Variants in THSD4 observed in about 807,000 individuals in gnomAD.
The protein encoded by THSD4 is thrombospondin type 1 domain containing 4.
Under a neutral mutation model 119.0 loss-of-function variants are expected in THSD4, and 69 were observed. The ratio of observed to expected loss-of-function variants is 0.58; its 90% CI spans 0.48 to 0.71. THSD4 has a LOEUF of 0.71. Ranked by LOEUF, THSD4 falls within the 30% of genes least tolerant of loss-of-function variation. THSD4 has a pLI of 0.00. For missense variants in THSD4, 1,393 were observed against 1,391.1 expected (o/e 1.00, Z -0.02); for synonymous variants, 524 against 540.4 (o/e 0.97, Z 0.42).
intron 7 of THSD4, among the ~76,000 whole-genome samples, chr15:71,565,442 G>A (rs2049215883): frequency 6.6e-6 from 1 of 152,154 alleles, no homozygotes; most frequent in South Asian, 2.1e-4. Flanking sequence ...ATCAGATTAG[G>A]CTGCTCACAC....
intron 7 of THSD4, among the ~76,000 whole-genome samples, chr15:71,449,115 A>G (rs911479256): frequency 4.6e-5 from 7 of 152,192 alleles, no homozygotes; most frequent in African/African-American, 2.4e-5. Context: ...GGTCAAGGGA[A>G]ACCTATTCTC....
intron 7 of THSD4, among the ~76,000 whole-genome samples, chr15:71,595,513 C>T (rs2049891682): frequency 6.6e-6 from 1 of 152,156 alleles, no homozygotes; most frequent in Non-Finnish European, 1.5e-5. Context: ...CCTACCCAGC[C>T]ATGTGGAACT....
chr15:71,235,818 T>G (rs975519457), intron 4 of THSD4, among the ~76,000 whole-genome samples: 4 of 152,198 alleles, frequency 2.6e-5, no homozygotes, highest in African/African-American at 9.6e-5. Context: ...CTGGAACTCC[T>G]GGCCTTAAGT....
At chr15:71,364,272 T>G (rs1007085204) in intron 6 of THSD4, among the ~76,000 whole-genome samples, 1 of 152,208 alleles carries the variant, frequency 6.6e-6, no homozygotes, top group Non-Finnish European at 1.5e-5. Context: ...CTTGCAACAC[T>G]GGGCAAGTCT....
At chr15:71,342,556 A>C (rs1324621833) in intron 6 of THSD4, 1 of 152,610 alleles carries the variant, frequency 6.6e-6, no homozygotes, top group African/African-American at 2.4e-5. Flanking sequence ...CCCACCCCCA[A>C]CTTCTGCCCC....
chr15:71,193,678 A>G (rs2043692679), intron 3 of THSD4, among the ~76,000 whole-genome samples: 1 of 151,730 alleles, frequency 6.6e-6, no homozygotes, highest in Non-Finnish European at 1.5e-5. Context: ...TTCTCACGGT[A>G]GTGAATAAGT....
chr15:71,164,669 C>T (rs2043275774), intron 3 of THSD4: 5 of 1,516,138 alleles, frequency 3.3e-6, no homozygotes, highest in Admixed American at 4.5e-5. Flanking sequence ...ACAAATCTTA[C>T]ACAGCCTTAC....
At chr15:71,403,299 T>G (rs2046562514) in intron 6 of THSD4, among the ~76,000 whole-genome samples, 1 of 152,214 alleles carries the variant, frequency 6.6e-6, no homozygotes, top group Non-Finnish European at 1.5e-5. Context: ...AATGCTTTAT[T>G]TTCTCCTAAG....
At chr15:71,568,524 C>G (rs1238308019) in intron 7 of THSD4, among the ~76,000 whole-genome samples, 2 of 151,046 alleles carry the variant, frequency 1.3e-5, no homozygotes, top group Non-Finnish European at 2.9e-5. Flanking sequence ...CCAACAGAAG[C>G]AGCCTCCAGA....
In THSD4 at chr15:71,777,301, A is replaced by C. The variant is rs1443389021; in HGVS notation, c.2984A>C (p.Tyr995Ser). 1 of 1,614,236 alleles carries C rather than the reference A, an allele frequency of 6.2e-7. No homozygotes were observed. The highest frequency in any genetic ancestry group is 2.2e-5 in the East Asian group (1 of 44,878). ...VVQARLCVYN[Y>S]YKTACCASCT... ...CAGGCAAGACTCTGTGTCTACAACT[A>C]CTACAAGACCGCCTGCTGTGCCTCC... is the stretch of plus-strand genomic sequence containing the variant. The change falls in exon 18 of 18, where the codon TAC (tyrosine) becomes TCC (serine). Residue 995 changes from tyrosine (Y) to serine (S), a missense_variant. Coordinates refer to ENST00000261862, the MANE Select transcript of THSD4 (RefSeq NM_024817.3).
intron 7 of THSD4, among the ~76,000 whole-genome samples, chr15:71,650,016 A>T (rs2051052544): frequency 6.6e-6 from 1 of 152,192 alleles, no homozygotes; most frequent in African/African-American, 2.4e-5. Flanking sequence ...ACTACTTAAT[A>T]TAGAGGGTGG....
chr15:71,618,730 C>T (rs1420748378), intron 7 of THSD4, among the ~76,000 whole-genome samples: 1 of 152,042 alleles, frequency 6.6e-6, no homozygotes, highest in East Asian at 1.9e-4. Context: ...CGTGTCACCA[C>T]ACCAGGCTGA....
chr15:71,659,751 C>A (rs776097045), intron 7 of THSD4, among the ~76,000 whole-genome samples: 1 of 152,016 alleles, frequency 6.6e-6, no homozygotes, highest in African/African-American at 2.4e-5. Context: ...ATGGTCCCAA[C>A]GGAAACATGA....
chr15:71,461,973 A>G (rs556581691), intron 7 of THSD4, among the ~76,000 whole-genome samples: 2 of 152,212 alleles, frequency 1.3e-5, no homozygotes, highest in East Asian at 3.9e-4. Flanking sequence ...GAAGCTTTGT[A>G]TGTTGGCGAG....
intron 1 of THSD4, among the ~76,000 whole-genome samples, chr15:71,107,898 T>C (rs367859826): frequency 7.2e-5 from 11 of 152,342 alleles, no homozygotes; most frequent in African/African-American, 2.6e-4. Context: ...GTTAAGCCAC[T>C]GCTCAAGGTC....
intron 7 of THSD4, among the ~76,000 whole-genome samples, chr15:71,569,506 A>C (rs563071114): frequency 6.6e-6 from 1 of 152,360 alleles, no homozygotes; most frequent in East Asian, 1.9e-4. Context: ...TAGTGAATAG[A>C]ATTTACAAGA....
upstream of THSD4, chr15:71,112,156 G>C: frequency 6.2e-7 from 1 of 1,613,788 alleles, no homozygotes; most frequent in Non-Finnish European, 8.5e-7. Context: ...ACCACGTGCA[G>C]ACGCTGTGCT....
At chr15:71,137,188 G>C (rs1050072949) in intron 1 of THSD4, among the ~76,000 whole-genome samples, 7 of 152,074 alleles carry the variant, frequency 4.6e-5, no homozygotes, top group Admixed American at 4.6e-4. Context: ...AACCTCAAAA[G>C]GCGGACAGAG....
chr15:71,593,195 C>T lies in THSD4; in HGVS notation c.1153-67335C>T, dbSNP rs368218205. Among the ~76,000 whole-genome samples, 14 of 5,790 alleles carry T rather than the reference C, an allele frequency of 2.4e-3. 6 individuals carry two copies. In the East Asian group the frequency reaches 0.13, roughly 55 times the overall value. 3.8% of individuals were successfully genotyped at this position (5,790 alleles called of 152,430 possible). On this transcript the variant is annotated intron_variant, in intron 7 of 17. Transcript: ENST00000261862. ...ATCCCAGCACTTTGGGAGGCCGAGG[C>T]GGGCGGATCACGAGGTCAGGAGATC...
Sources: gnomAD v4.1 joint callset for allele counts (sites outside exome capture counted in the v4.1 genomes callset) on GRCh38, gnomAD v4.1.1 for gene constraint, MANE v1.5 for transcripts, NCBI Gene and HGNC (gene_info 2026-07-23, HGNC 2026-07-21) for gene names.